The following RIOX2 variants were observed in gnomAD, a reference collection of about 807,000 sequenced individuals.
RIOX2 encodes ribosomal oxygenase 2.
In RIOX2, 43 loss-of-function variants were observed where a neutral mutation model predicts 51.2. The observed-to-expected ratio is 0.84, with a 90% CI of 0.66 to 1.08. The LOEUF is 1.08. Among genes scored for constraint, RIOX2 ranks in the 50% least tolerant of loss-of-function variants. The probability of loss-of-function intolerance (pLI) is 0.00; values close to 1 mark genes in which losing one functional copy is unlikely to be tolerated. For synonymous variants in RIOX2, 226 were observed against 218.5 expected, an observed-to-expected ratio of 1.03 and a Z score of -0.30; for missense variants, 566 against 561.7, an observed-to-expected ratio of 1.01 and a Z score of -0.08.
intron 4 of RIOX2, among the ~76,000 whole-genome samples, chr3:97,958,439 A>G (rs1482877694): frequency 6.6e-6 from 1 of 152,198 alleles, no homozygotes; most frequent in Non-Finnish European, 1.5e-5. Context: ...AACTGCTCAA[A>G]GACAGATTTT....
At chr3:97,969,345 A>AGG (rs1393460932) in intron 1 of RIOX2, among the ~76,000 whole-genome samples, 2 of 152,240 alleles carry the variant, frequency 1.3e-5, no homozygotes, top group African/African-American at 4.8e-5. Context: ...GGCTTCAGGA[A>AGG]GGCACAGCAT....
intron 9 of RIOX2, 134 bp from the exon 10 acceptor site, chr3:97,945,476 T>A (rs2040332870): frequency 3.9e-6 from 3 of 768,488 alleles, no homozygotes; most frequent in African/African-American, 1.8e-5. Context: ...ACACTACAAT[T>A]AGATAACATA....
In RIOX2 at chr3:97,944,896, C is replaced by T. The variant is rs958831623; in HGVS notation, c.*288G>A. 4.6e-6 allele frequency: 1 copy of T among 215,206 alleles called. No individual in the cohort carries two copies. The highest frequency in any genetic ancestry group is 9.1e-6 in the Non-Finnish European group (1 of 110,076). 13.3% of individuals were successfully genotyped at this position (215,206 alleles called of 1,614,324 possible). A position where few individuals can be genotyped will look rare whatever the true frequency, so the allele number is the denominator to read the frequency against. On this transcript the variant is annotated 3_prime_UTR_variant, in exon 10 of 10. Transcript: ENST00000394198. ...AGAACAAAGCCAGGTTAATGACATT[C>T]AATTCTAAATGATACATTGGAATTG...
intron 2 of RIOX2, among the ~76,000 whole-genome samples, chr3:97,966,497 AGAG>A (rs1481391083): frequency 6.6e-6 from 1 of 152,256 alleles, no homozygotes; most frequent in Non-Finnish European, 1.5e-5. Flanking sequence ...AACCAAGCAT[AGAG>A]GAGGCAAATT....
chr3:97,971,771 T>G (rs1364303546), intron 1 of RIOX2: 1 of 152,236 alleles, frequency 6.6e-6, no homozygotes, highest in Non-Finnish European at 1.5e-5. Context: ...TTCCTCCCAG[T>G]CTATCCTTCC....
Position 97,967,569 on chromosome 3 carries a change from C to T in RIOX2, c.25G>A (p.Gly9Arg). Residue 9 changes from glycine to arginine, a missense_variant, in exon 2 of 10, where the codon GGG (glycine) becomes AGG (arginine). Coordinates refer to ENST00000394198, the MANE Select transcript of RIOX2 (RefSeq NM_153182.4). ...GCCGGCCCCTCTTCCTTCCCACTCC[C>T]TGTAGGCTTTGCTTTCTTTGGCATC... Reference protein sequence around the residue: MPKKAKPTGSGKEEGPAPC... With the variant: MPKKAKPTRSGKEEGPAPC... 1.3e-6 allele frequency: 2 copies of T among 1,593,214 alleles called. No individual in the cohort carries two copies. Among genetic ancestry groups the T allele is most frequent in the Non-Finnish European group, 1.7e-6 (2 of 1,172,264 alleles).
In RIOX2 at chr3:97,947,379, C is replaced by T. The variant is rs2040390427; in HGVS notation, c.1131G>A (p.Leu377=). Residue 377 remains leucine (L), a synonymous_variant, in exon 8 of 10, where the codon CTG becomes CTA. Transcript: ENST00000394198. ...TACTCACAGATTGATCTTGATCCGG[C>T]AGTACTGTGAGGACAATGTGGTCTT... The part of the protein sequence containing the change: ...QFKDHIVLTV[L]PDQDQSDEAQ... The T allele has an allele frequency of 6.2e-7, 1 of 1,612,886 alleles. No individual in the cohort carries two copies. Among genetic ancestry groups the T allele is most frequent in the African/African-American group, 1.3e-5 (1 of 74,850 alleles).
At chr3:97,957,224 C>T (rs1037613395) in intron 4 of RIOX2, among the ~76,000 whole-genome samples, 39 of 151,312 alleles carry the variant, frequency 2.6e-4, no homozygotes, top group Admixed American at 1.3e-3. Context: ...GTGGGCCAGG[C>T]GCAGTGGCTC....
At chr3:97,955,623 C>T (rs187302247) in intron 4 of RIOX2, among the ~76,000 whole-genome samples, 2 of 152,244 alleles carry the variant, frequency 1.3e-5, no homozygotes, top group Admixed American at 1.3e-4. Flanking sequence ...AACAAACTGA[C>T]AGTACTTCAA....
At chr3:97,967,833 C>T (rs747845147) in intron 1 of RIOX2, among the ~76,000 whole-genome samples, 8 of 152,214 alleles carry the variant, frequency 5.3e-5, no homozygotes, top group African/African-American at 1.7e-4. Flanking sequence ...TCAACCACCA[C>T]TCAGATGACA....
intron 7 of RIOX2, among the ~76,000 whole-genome samples, chr3:97,949,168 G>T (rs1264139383): frequency 6.6e-6 from 1 of 152,146 alleles, no homozygotes; most frequent in African/African-American, 2.4e-5. Flanking sequence ...GGGTCACATT[G>T]TGGGGAGCAG....
chr3:97,942,067 T>A lies in RIOX2; in HGVS notation c.*3117A>T. ...AGACATCCTATTAAAAACAAGTACC[T>A]CTATTTCAGTTGGTTTATTTCTGTA... On this transcript the variant is annotated 3_prime_UTR_variant, in exon 10 of 10. Coordinates refer to ENST00000394198, the MANE Select transcript of RIOX2 (RefSeq NM_153182.4). 1 of 349,936 alleles carries A rather than the reference T, an allele frequency of 2.9e-6. No homozygotes were observed. The highest frequency in any genetic ancestry group is 7.4e-4 in the Middle Eastern group (1 of 1,352). The allele number at this position is 349,936 out of a possible 1,614,324, so 21.7% of individuals were successfully genotyped here.
At chr3:97,945,481 A>C (rs2107125793) in intron 9 of RIOX2, 139 bp from the exon 10 acceptor site, 1 of 742,008 alleles carries the variant, frequency 1.3e-6, no homozygotes. Context: ...ACAATTAGAT[A>C]ACATAAAAGA....
chr3:97,945,890 T>G lies in RIOX2; in HGVS notation c.1150-3A>C. Reference sequence around the variant, plus strand: ...ACCATCTTTTCTTGAGCTTCATCCTTTGGGGAAAAAATAAATGCATTAGGC... The same window carrying G: ...ACCATCTTTTCTTGAGCTTCATCCTGTGGGGAAAAAATAAATGCATTAGGC... On this transcript the variant is annotated splice_polypyrimidine_tract_variant and splice_region_variant and intron_variant, in intron 8 of 9. Transcript: ENST00000394198. 1 of 1,597,744 alleles carries G rather than the reference T, an allele frequency of 6.3e-7. No individual in the cohort carries two copies. Among genetic ancestry groups the G allele is most frequent in the South Asian group, 1.1e-5 (1 of 90,628 alleles).
At chr3:97,959,923 T>C (rs758003556) in intron 3 of RIOX2, among the ~76,000 whole-genome samples, 86 of 152,226 alleles carry the variant, frequency 5.6e-4, no homozygotes, top group Non-Finnish European at 1.0e-3. Context: ...ATGGAATAGC[T>C]GAATAAAATT....
intron 2 of RIOX2, among the ~76,000 whole-genome samples, chr3:97,963,127 G>T (rs1478814328): frequency 6.6e-6 from 1 of 152,114 alleles, no homozygotes; most frequent in Non-Finnish European, 1.5e-5. Context: ...TATGAAAAAA[G>T]ACTTTTTTAA....
chr3:97,943,373 A>T lies in RIOX2; in HGVS notation c.*1811T>A. 1.0e-6 allele frequency: 1 copy of T among 983,814 alleles called. No individual in the cohort carries two copies. The highest frequency in any genetic ancestry group is 1.6e-6 in the Non-Finnish European group (1 of 624,144). 60.9% of individuals were successfully genotyped at this position (983,814 alleles called of 1,614,324 possible). On this transcript the variant is annotated 3_prime_UTR_variant, in exon 10 of 10. Transcript: ENST00000394198. ...GAGCAAAGAAGGAAACACATCTGTCATTGTCTTGTGGACGTGGAAAGGAAG... is the reference window on the plus strand; with the variant it reads ...GAGCAAAGAAGGAAACACATCTGTCTTTGTCTTGTGGACGTGGAAAGGAAG...
rs1055760081 is a variant in RIOX2 at position 97,943,544 on chromosome 3, A to G, written c.*1640T>C. ...AAGAAAATATTATGATATCTTGGAAAGGTTCTATTCCTGATCTCCAGCTGT... is the reference window on the plus strand; with the variant it reads ...AAGAAAATATTATGATATCTTGGAAGGGTTCTATTCCTGATCTCCAGCTGT... On this transcript the variant is annotated 3_prime_UTR_variant, in exon 10 of 10. Coordinates refer to ENST00000394198, the MANE Select transcript of RIOX2 (RefSeq NM_153182.4). 1 of 471,776 alleles carries G rather than the reference A, an allele frequency of 2.1e-6. No individual in the cohort carries two copies. The allele number at this position is 471,776 out of a possible 1,614,324, so 29.2% of individuals were successfully genotyped here. A position where few individuals can be genotyped will look rare whatever the true frequency, so the allele number is the denominator to read the frequency against.
intron 1 of RIOX2, among the ~76,000 whole-genome samples, chr3:97,968,349 C>G (rs770716041): frequency 2.6e-5 from 4 of 152,314 alleles, no homozygotes; most frequent in Admixed American, 2.0e-4. Context: ...GTAGTTATAT[C>G]TAAAGCCTTG....
Sources: gnomAD v4.1 joint callset for allele counts (sites outside exome capture counted in the v4.1 genomes callset) on GRCh38, gnomAD v4.1.1 for gene constraint, MANE v1.5 for transcripts, NCBI Gene and HGNC (gene_info 2026-07-23, HGNC 2026-07-21) for gene names.